ZCWPW2: variants seen among roughly 807,000 people sequenced by gnomAD.
The protein encoded by ZCWPW2 is zinc finger CW-type PWWP domain protein 2.
Under a neutral mutation model 46.6 loss-of-function variants are expected in ZCWPW2, and 45 were observed. That is an observed-to-expected ratio of 0.96 (90% CI 0.76 to 1.24). The LOEUF is 1.24. Among genes scored for constraint, ZCWPW2 ranks in the 50% most tolerant of loss-of-function variants. The pLI, the probability that ZCWPW2 is intolerant of heterozygous loss-of-function variation, is 0.00. For missense variants in ZCWPW2, 429 were observed against 403.9 expected (o/e 1.06, Z -0.53); for synonymous variants, 152 against 137.1 (o/e 1.11, Z -0.76).
intron 6 of ZCWPW2, among the ~76,000 whole-genome samples, chr3:28,504,296 C>T (rs1333556486): frequency 6.6e-6 from 1 of 152,094 alleles, no homozygotes; most frequent in Non-Finnish European, 1.5e-5. Flanking sequence ...TAAACTTATA[C>T]TCTACTATAC....
At chr3:28,351,252 A>G (rs1468698401) in intron 1 of ZCWPW2, among the ~76,000 whole-genome samples, 3 of 148,636 alleles carry the variant, frequency 2.0e-5, no homozygotes, top group Non-Finnish European at 3.0e-5. Context: ...TATATAAAAA[A>G]TATATATATA....
intron 2 of ZCWPW2, among the ~76,000 whole-genome samples, chr3:28,399,414 C>T (rs781175123): frequency 5.9e-5 from 9 of 152,150 alleles, no homozygotes; most frequent in Non-Finnish European, 1.3e-4. Context: ...ACCACCTGTT[C>T]CTTTACATAC....
At chr3:28,517,543 C>G (rs1700607320) in intron 8 of ZCWPW2, among the ~76,000 whole-genome samples, 1 of 152,180 alleles carries the variant, frequency 6.6e-6, no homozygotes, top group South Asian at 2.1e-4. Context: ...GGGGATAGTA[C>G]TCAATCATTT....
chr3:28,496,105 G>C (rs1699984268), intron 6 of ZCWPW2, among the ~76,000 whole-genome samples: 1 of 151,918 alleles, frequency 6.6e-6, no homozygotes, highest in Non-Finnish European at 1.5e-5. Context: ...AAATTAAATG[G>C]TTCTCGAAAT....
chr3:28,487,581 C>A (rs958375833), intron 5 of ZCWPW2, among the ~76,000 whole-genome samples: 1 of 152,088 alleles, frequency 6.6e-6, no homozygotes, highest in Non-Finnish European at 1.5e-5. Flanking sequence ...AGCTGATAAT[C>A]CCATCATCTC....
intron 6 of ZCWPW2, among the ~76,000 whole-genome samples, chr3:28,512,205 T>C (rs1261446881): frequency 6.6e-6 from 1 of 151,562 alleles, no homozygotes; most frequent in African/African-American, 2.4e-5. Flanking sequence ...TGAGACAGAA[T>C]CTTGCTCTGT....
intron 6 of ZCWPW2, chr3:28,511,192 T>C (rs958802919): frequency 1.3e-5 from 5 of 388,752 alleles, no homozygotes; most frequent in Non-Finnish European, 2.6e-5. Flanking sequence ...CAGGAAGTCA[T>C]TCAACTATCC....
intron 4 of ZCWPW2, among the ~76,000 whole-genome samples, chr3:28,452,105 T>C (rs1012674962): frequency 6.6e-6 from 1 of 152,184 alleles, no homozygotes; most frequent in Non-Finnish European, 1.5e-5. Flanking sequence ...AGAAAAACTT[T>C]GGTAGTAATT....
At chr3:28,351,143 A>T (rs1267974095) in intron 1 of ZCWPW2, among the ~76,000 whole-genome samples, 1 of 151,144 alleles carries the variant, frequency 6.6e-6, no homozygotes, top group African/African-American at 2.4e-5. Context: ...CTGCTTTAAA[A>T]ATATATATAT....
intron 1 of ZCWPW2, among the ~76,000 whole-genome samples, chr3:28,366,065 G>C (rs908780633): frequency 1.3e-5 from 2 of 151,908 alleles, no homozygotes; most frequent in African/African-American, 4.8e-5. Context: ...GGGTTTTCTA[G>C]ATATACAATC....
Position 28,433,648 on chromosome 3 carries a change from C to T in ZCWPW2, c.333-1462C>T, listed in dbSNP as rs529638783. On this transcript the variant is annotated intron_variant, in intron 3 of 9. Transcript: ENST00000383768. ...GCAGGCGCCTGTAATCCCAGTTACTCGGGAGACTGAGGCTGGAGAATTGCT... is the reference window on the plus strand; with the variant it reads ...GCAGGCGCCTGTAATCCCAGTTACTTGGGAGACTGAGGCTGGAGAATTGCT... 1.4e-3 allele frequency among the ~76,000 whole-genome samples: 205 copies of T among 151,566 alleles called. 4 individuals are homozygous for T. The highest frequency in any genetic ancestry group is 1.7e-3 in the Admixed American group (26 of 15,206).
chr3:28,476,485 G>A (rs1331457646), intron 4 of ZCWPW2, among the ~76,000 whole-genome samples: 2 of 151,978 alleles, frequency 1.3e-5, no homozygotes. Flanking sequence ...GTTTATTTTA[G>A]CTATATGGCA....
In ZCWPW2 at chr3:28,445,734, CAGAGAT is replaced by C. The variant is rs1697966197; in HGVS notation, c.492+10466_492+10471del. Among the ~76,000 whole-genome samples, 7 of 152,116 alleles carry C rather than the reference CAGAGAT, an allele frequency of 4.6e-5. No homozygotes were observed. The South Asian group carries it at 1.5e-3, about 32-fold the overall frequency. ...TGGGTTAAACTCCCCAGTCAAAAGA[CAGAGAT>C]TAGTAGAATGAATAAAAAGACACGA... is the stretch of plus-strand genomic sequence containing the variant. On this transcript the variant is annotated intron_variant, in intron 4 of 9. Transcript: ENST00000383768.
intron 3 of ZCWPW2, among the ~76,000 whole-genome samples, chr3:28,421,899 C>T (rs1163428235): frequency 6.9e-6 from 1 of 145,984 alleles, no homozygotes; most frequent in African/African-American, 2.5e-5. Flanking sequence ...TCACCTAATT[C>T]AAAGTTCCAG....
chr3:28,435,056 G>T, intron 3 of ZCWPW2, 54 bp from the exon 4 acceptor site: 1 of 1,585,426 alleles, frequency 6.3e-7, no homozygotes, highest in South Asian at 1.2e-5. Flanking sequence ...TAGACGTGTT[G>T]ATGTCTACCT....
chr3:28,390,696 A>G, intron 2 of ZCWPW2, 79 bp downstream of exon 2: 1 of 947,110 alleles, frequency 1.1e-6, no homozygotes, highest in Non-Finnish European at 1.3e-6. Context: ...TCTATTGCAT[A>G]TATGCAATTT....
chr3:28,424,008 C>A (rs932631996), intron 3 of ZCWPW2, among the ~76,000 whole-genome samples: 1 of 151,918 alleles, frequency 6.6e-6, no homozygotes, highest in Non-Finnish European at 1.5e-5. Flanking sequence ...TATAGTTGCC[C>A]TACCTGTATT....
At chr3:28,443,608 T>G (rs1033519125) in intron 4 of ZCWPW2, among the ~76,000 whole-genome samples, 2 of 152,204 alleles carry the variant, frequency 1.3e-5, no homozygotes, top group Non-Finnish European at 2.9e-5. Context: ...TGATTACTGC[T>G]TTGCTTCTGC....
At chr3:28,496,069 G>A (rs1166641791) in intron 6 of ZCWPW2, among the ~76,000 whole-genome samples, 1 of 152,038 alleles carries the variant, frequency 6.6e-6, no homozygotes, top group African/African-American at 2.4e-5. Flanking sequence ...GCTTGTTATA[G>A]AGAGGCAAAC....
Sources: gnomAD v4.1 joint callset for allele counts (sites outside exome capture counted in the v4.1 genomes callset) on GRCh38, gnomAD v4.1.1 for gene constraint, MANE v1.5 for transcripts, NCBI Gene and HGNC (gene_info 2026-07-23, HGNC 2026-07-21) for gene names.